FGF14: variants seen among roughly 807,000 people sequenced by gnomAD.
FGF14 encodes fibroblast growth factor 14.
A neutral mutation model predicts 25.5 loss-of-function variants in FGF14; 5 were observed. That is an observed-to-expected ratio of 0.20 (90% CI 0.10 to 0.41). The LOEUF is 0.41. Among genes scored for constraint, FGF14 ranks in the 10% least tolerant of loss-of-function variants. The pLI is 1.00. For missense variants in FGF14, 222 were observed against 320.1 expected (o/e 0.69, Z 2.34); for synonymous variants, 138 against 118.3 (o/e 1.17, Z -1.08).
At chr13:102,166,419 A>C (rs2048015163) in intron 1 of FGF14, among the ~76,000 whole-genome samples, 1 of 152,176 alleles carries the variant, frequency 6.6e-6, no homozygotes, top group Admixed American at 6.6e-5. Context: ...TGCAGCATAG[A>C]GGAAAATGCC....
At chr13:101,928,231 A>G (rs751307996) in intron 1 of FGF14, among the ~76,000 whole-genome samples, 1 of 152,212 alleles carries the variant, frequency 6.6e-6, no homozygotes, top group Admixed American at 6.5e-5. Context: ...AAGAAAGTCA[A>G]CCAAATGCAG....
chr13:102,331,680 T>A (rs751280952), intron 1 of FGF14, among the ~76,000 whole-genome samples: 25 of 152,186 alleles, frequency 1.6e-4, no homozygotes, highest in Non-Finnish European at 3.1e-4. Flanking sequence ...CACAGTATAA[T>A]GAACACAAGC....
At chr13:101,751,439 G>T (rs1474063751) in intron 3 of FGF14, among the ~76,000 whole-genome samples, 1 of 152,146 alleles carries the variant, frequency 6.6e-6, no homozygotes, top group Non-Finnish European at 1.5e-5. Context: ...TCTGGAGGCA[G>T]AACTGTCGTA....
rs1170810841 is a variant in FGF14 at position 101,721,661 on chromosome 13, A to ATTAAT, written c.*1165_*1169dup. On this transcript the variant is annotated 3_prime_UTR_variant, in exon 5 of 5. Coordinates refer to ENST00000376143, the MANE Select transcript of FGF14 (RefSeq NM_004115.4). ...TAAACACCAAAAATATTAAAGTCTAATTAATTTATAACTAACGTTTGCATT... is the reference window on the plus strand; with the variant it reads ...TAAACACCAAAAATATTAAAGTCTAATTAATTTAATTTATAACTAACGTTTGCATT... 6.7e-6 allele frequency: 1 copy of ATTAAT among 148,570 alleles called. No individual in the cohort carries two copies. Among genetic ancestry groups the ATTAAT allele is most frequent in the Non-Finnish European group, 1.5e-5 (1 of 67,994 alleles). The allele number at this position is 148,570 out of a possible 1,614,324, so 9.2% of individuals were successfully genotyped here.
intron 2 of FGF14, among the ~76,000 whole-genome samples, chr13:101,872,186 G>T (rs1039074757): frequency 4.6e-4 from 70 of 150,994 alleles, no homozygotes; most frequent in Middle Eastern, 3.5e-3. Context: ...TGAGTTTTTG[G>T]TTTTTTTAAA....
chr13:102,101,783 C>A (rs2044675895), intron 1 of FGF14, among the ~76,000 whole-genome samples: 1 of 152,024 alleles, frequency 6.6e-6, no homozygotes, highest in Non-Finnish European at 1.5e-5. Context: ...TGGCTCACTG[C>A]AACATCCACC....
At chr13:101,842,521 A>G (rs2043242119) in intron 3 of FGF14, among the ~76,000 whole-genome samples, 1 of 152,054 alleles carries the variant, frequency 6.6e-6, no homozygotes, top group Admixed American at 6.6e-5. Context: ...AATACATGTG[A>G]GGACTATGTT....
chr13:101,991,482 T>C (rs1490432024), intron 1 of FGF14, among the ~76,000 whole-genome samples: 2 of 152,184 alleles, frequency 1.3e-5, no homozygotes, highest in Non-Finnish European at 2.9e-5. Flanking sequence ...AGAAAAATTA[T>C]GGACTTCCAG....
chr13:102,101,024 G>A (rs189774934), intron 1 of FGF14, among the ~76,000 whole-genome samples: 6 of 152,150 alleles, frequency 3.9e-5, no homozygotes, highest in African/African-American at 1.2e-4. Context: ...GCTGGAACCC[G>A]GGAGGCGGAG....
At chr13:102,028,395 T>C (rs1269103300) in intron 1 of FGF14, among the ~76,000 whole-genome samples, 1 of 152,074 alleles carries the variant, frequency 6.6e-6, no homozygotes, top group Admixed American at 6.6e-5. Context: ...GAATGCACCA[T>C]CTGTGACCCA....
At chr13:102,347,562 T>C (rs565343339) in intron 1 of FGF14, among the ~76,000 whole-genome samples, 42 of 152,282 alleles carry the variant, frequency 2.8e-4, no homozygotes, top group African/African-American at 9.9e-4. Context: ...TAAGGCCTGC[T>C]GCGGAAATCA....
chr13:101,758,446 A>G (rs1327687277), intron 3 of FGF14, among the ~76,000 whole-genome samples: 2 of 152,184 alleles, frequency 1.3e-5, no homozygotes, highest in African/African-American at 2.4e-5. Context: ...GAATGCAAAT[A>G]TGGCTTTTGC....
chr13:102,148,556 G>A (rs1594149295), intron 1 of FGF14, among the ~76,000 whole-genome samples: 1 of 152,082 alleles, frequency 6.6e-6, no homozygotes, highest in African/African-American at 2.4e-5. Context: ...CACCTGTAAT[G>A]CCAGCACTTT....
intron 1 of FGF14, among the ~76,000 whole-genome samples, chr13:102,183,154 A>C (rs1389181549): frequency 1.3e-5 from 2 of 152,196 alleles, no homozygotes; most frequent in Non-Finnish European, 2.9e-5. Flanking sequence ...GGAATGTGCA[A>C]AATTAAAAAT....
At chr13:102,256,656 A>C (rs2052454883) in intron 1 of FGF14, among the ~76,000 whole-genome samples, 1 of 152,220 alleles carries the variant, frequency 6.6e-6, no homozygotes, top group Non-Finnish European at 1.5e-5. Context: ...CCACATTTTA[A>C]GCAGAACTTA....
At chr13:102,094,769 C>A (rs2044315974) in intron 1 of FGF14, among the ~76,000 whole-genome samples, 1 of 152,122 alleles carries the variant, frequency 6.6e-6, no homozygotes, top group Admixed American at 6.5e-5. Context: ...GTGACTTTGT[C>A]CCTGAAGTCA....
intron 1 of FGF14, among the ~76,000 whole-genome samples, chr13:102,011,583 G>A (rs1332944646): frequency 5.9e-5 from 9 of 152,146 alleles, no homozygotes; most frequent in Admixed American, 5.9e-4. Context: ...GCCATACGCA[G>A]GAGTATGAAG....
intron 1 of FGF14, among the ~76,000 whole-genome samples, chr13:102,130,382 T>A (rs2046143448): frequency 6.6e-6 from 1 of 152,104 alleles, no homozygotes; most frequent in South Asian, 2.1e-4. Flanking sequence ...CCCTCCTCCA[T>A]CTTTGCCCGA....
intron 1 of FGF14, among the ~76,000 whole-genome samples, chr13:102,326,977 A>C (rs2056474471): frequency 6.6e-6 from 1 of 152,204 alleles, no homozygotes; most frequent in African/African-American, 2.4e-5. Context: ...CTCATGTGTT[A>C]AACCATAATA....
Sources: allele counts gnomAD v4.1 joint callset (sites outside exome capture counted in the v4.1 genomes callset), GRCh38; gene constraint gnomAD v4.1.1; transcripts MANE v1.5; gene names NCBI Gene and HGNC (gene_info 2026-07-23, HGNC 2026-07-21).